GABBR2: variants seen among roughly 807,000 people sequenced by gnomAD.
GABBR2 encodes the protein G-protein coupled receptor 51.
A neutral mutation model predicts 105.6 loss-of-function variants in GABBR2; 23 were observed. The ratio of observed to expected loss-of-function variants is 0.22; its 90% confidence interval spans 0.16 to 0.31. The LOEUF is 0.31. Ranked by LOEUF, GABBR2 falls within the 10% of genes least tolerant of loss-of-function variation. The pLI, the probability that GABBR2 is intolerant of heterozygous loss-of-function variation, is 1.00. For missense variants in GABBR2, 734 were observed against 1,245.5 expected (o/e 0.59, Z 6.18); for synonymous variants, 478 against 499.7 (o/e 0.96, Z 0.58).
At chr9:98,614,827 G>T (rs189097402) in intron 1 of GABBR2, among the ~76,000 whole-genome samples, 1 of 152,138 alleles carries the variant, frequency 6.6e-6, no homozygotes. Flanking sequence ...GATCAACCCT[G>T]CAGAACTTGA....
At chr9:98,641,939 C>A (rs543868167) in intron 1 of GABBR2, among the ~76,000 whole-genome samples, 1 of 152,286 alleles carries the variant, frequency 6.6e-6, no homozygotes, top group East Asian at 1.9e-4. Context: ...GGGACCCCAA[C>A]GGCCTCACTC....
chr9:98,496,621 C>T, intron 3 of GABBR2, 107 bp from the exon 4 acceptor site: 1 of 740,982 alleles, frequency 1.3e-6, no homozygotes. Context: ...ATTTTCTCTA[C>T]CGACAATGCA....
intron 3 of GABBR2, among the ~76,000 whole-genome samples, chr9:98,513,006 T>C (rs1232490879): frequency 6.6e-6 from 1 of 151,728 alleles, no homozygotes; most frequent in Non-Finnish European, 1.5e-5. Context: ...CTTCAAACTA[T>C]ACTACAAGGC....
chr9:98,299,158 G>A (rs1435696407), intron 17 of GABBR2, 66 bp downstream of exon 17: 1 of 1,356,056 alleles, frequency 7.4e-7, no homozygotes, highest in Admixed American at 1.7e-5. Flanking sequence ...TCTAAAAAAT[G>A]GAAGATGAAC....
chr9:98,449,450 G>T (rs376353946), intron 7 of GABBR2, among the ~76,000 whole-genome samples: 1 of 152,066 alleles, frequency 6.6e-6, no homozygotes, highest in Admixed American at 6.6e-5. Flanking sequence ...AACCACAAAC[G>T]TGTGTGTGTG....
At chr9:98,623,426 C>A (rs1009477163) in intron 1 of GABBR2, among the ~76,000 whole-genome samples, 1 of 152,168 alleles carries the variant, frequency 6.6e-6, no homozygotes, top group African/African-American at 2.4e-5. Context: ...AAGACCCTGT[C>A]TCAAAAATAA....
intron 9 of GABBR2, among the ~76,000 whole-genome samples, chr9:98,390,736 G>A (rs576390256): frequency 1.3e-5 from 2 of 152,182 alleles, no homozygotes; most frequent in Admixed American, 1.3e-4. Context: ...CAGTGCTGGG[G>A]CATCTGTGAG....
intron 9 of GABBR2, among the ~76,000 whole-genome samples, chr9:98,393,735 T>C (rs1338732559): frequency 6.6e-6 from 1 of 152,188 alleles, no homozygotes; most frequent in Non-Finnish European, 1.5e-5. Flanking sequence ...GGATGGCAAT[T>C]AAGGAAGATC....
At chr9:98,523,972 A>C (rs1212938468) in intron 3 of GABBR2, among the ~76,000 whole-genome samples, 1 of 147,038 alleles carries the variant, frequency 6.8e-6, no homozygotes, top group Admixed American at 7.0e-5. Context: ...AATCAAGGGG[A>C]AAAGTGGGAA....
In GABBR2 at chr9:98,306,062, C is replaced by A; in HGVS notation, c.2229+59G>T. ...CTTTTAGAGAATGGAGAAAAGCCAG[C>A]AATGCCCCTGTGCTGGAGTCAGAGG... On this transcript the variant is annotated intron_variant, in intron 15 of 18. Transcript: ENST00000259455. The surrounding 1 kb of genome is among the most constrained non-coding windows in gnomAD (Gnocchi z 5.4). The A allele has an allele frequency of 1.8e-6, 2 of 1,115,540 alleles. No homozygotes were observed. Among genetic ancestry groups the A allele is most frequent in the Admixed American group, 1.9e-5 (1 of 52,928 alleles). The allele number at this position is 1,115,540 out of a possible 1,614,324, so 69.1% of individuals were successfully genotyped here.
At chr9:98,312,187 TTAA>T (rs1292781379) in intron 13 of GABBR2, among the ~76,000 whole-genome samples, 3 of 152,234 alleles carry the variant, frequency 2.0e-5, no homozygotes, top group Non-Finnish European at 2.9e-5. Flanking sequence ...GCCAATTGGC[TTAA>T]TAACGTCCTT....
chr9:98,441,895 G>A (rs375811476), intron 7 of GABBR2, among the ~76,000 whole-genome samples: 1 of 152,282 alleles, frequency 6.6e-6, no homozygotes, highest in South Asian at 2.1e-4. Flanking sequence ...GTTTTATAAT[G>A]TGAGGGACCA....
intron 17 of GABBR2, among the ~76,000 whole-genome samples, chr9:98,298,725 T>C (rs1316305152): frequency 6.6e-6 from 1 of 152,226 alleles, no homozygotes; most frequent in Non-Finnish European, 1.5e-5. Flanking sequence ...CCCAAAATGC[T>C]GGGATTACAG....
chr9:98,675,981 C>T (rs545366642), intron 1 of GABBR2, among the ~76,000 whole-genome samples: 3 of 152,140 alleles, frequency 2.0e-5, no homozygotes, highest in African/African-American at 4.8e-5. Flanking sequence ...CAAAGCACAC[C>T]CCCCCAAATA....
chr9:98,490,408 G>GT, intron 4 of GABBR2, among the ~76,000 whole-genome samples: 1 of 152,270 alleles, frequency 6.6e-6, no homozygotes, highest in African/African-American at 2.4e-5. Context: ...GACTTTTGGG[G>GT]TATCTGATAA....
intron 5 of GABBR2, among the ~76,000 whole-genome samples, chr9:98,476,112 G>C (rs1036267617): frequency 6.6e-6 from 1 of 152,108 alleles, no homozygotes. Flanking sequence ...ATATGAAAAG[G>C]CCTTCTGATC....
intron 3 of GABBR2, among the ~76,000 whole-genome samples, chr9:98,499,545 AGCAAATGGAG>A (rs1827359261): frequency 6.6e-6 from 1 of 152,260 alleles, no homozygotes; most frequent in African/African-American, 2.4e-5. Context: ...TTCTGGGGAA[AGCAAATGGAG>A]GCAGTCAGTA....
chr9:98,436,387 ATATATATATATATATATATAGT>A (rs2131581082), intron 7 of GABBR2, among the ~76,000 whole-genome samples: 1 of 43,254 alleles, frequency 2.3e-5, no homozygotes, highest in South Asian at 1.1e-3. Context: ...ATATATATAT[ATATATATATATATATATATAGT>A]ATGGCGTTCT....
chr9:98,681,450 A>C, intron 1 of GABBR2, among the ~76,000 whole-genome samples: 1 of 82,332 alleles, frequency 1.2e-5, no homozygotes, highest in Non-Finnish European at 2.3e-5. Flanking sequence ...GGGTGGGGGG[A>C]GGGGGAGGGA....
Sources: allele counts gnomAD v4.1 joint callset (sites outside exome capture counted in the v4.1 genomes callset), GRCh38; gene constraint gnomAD v4.1.1; non-coding constraint Gnocchi (gnomAD v3.1); transcripts MANE v1.5; gene names NCBI Gene and HGNC (gene_info 2026-07-23, HGNC 2026-07-21).